GRIP1: variants seen among roughly 807,000 people sequenced by gnomAD.
The protein encoded by GRIP1 is glutamate receptor interacting protein 1.
GRIP1 carries 45 observed loss-of-function variants against 129.9 expected under a neutral mutation model. That is an observed-to-expected ratio of 0.35 (90% CI 0.27 to 0.44). GRIP1 has a LOEUF of 0.44. Among genes scored for constraint, GRIP1 ranks in the 20% least tolerant of loss-of-function variants. The pLI is 1.00. For missense variants in GRIP1, 1,196 were observed against 1,396.8 expected (o/e 0.86, Z 2.29); for synonymous variants, 530 against 520.8 (o/e 1.02, Z -0.24).
At chr12:66,552,626 T>C (rs2062179124) in intron 2 of GRIP1, among the ~76,000 whole-genome samples, 1 of 152,148 alleles carries the variant, frequency 6.6e-6, no homozygotes, top group Non-Finnish European at 1.5e-5. Flanking sequence ...CATACAGTAA[T>C]TGTCAAACAA....
chr12:66,889,152 T>C (rs1020440834), intron 1 of GRIP1, among the ~76,000 whole-genome samples: 3 of 152,144 alleles, frequency 2.0e-5, no homozygotes, highest in Admixed American at 6.5e-5. Flanking sequence ...ATGTGGTACA[T>C]ACATTCCTTT....
At chr12:66,869,292 G>A (rs546154940) in intron 1 of GRIP1, among the ~76,000 whole-genome samples, 110 of 151,984 alleles carry the variant, frequency 7.2e-4, no homozygotes, top group African/African-American at 2.6e-3. Context: ...CTTCTGTTGG[G>A]GGAAATACTG....
chr12:66,595,849 T>G (rs1056829896), intron 2 of GRIP1, among the ~76,000 whole-genome samples: 1 of 152,174 alleles, frequency 6.6e-6, no homozygotes, highest in African/African-American at 2.4e-5. Context: ...CCTGAAATTT[T>G]TATAAAAATA....
chr12:66,718,756 G>C (rs1452355926), intron 1 of GRIP1, among the ~76,000 whole-genome samples: 1 of 152,138 alleles, frequency 6.6e-6, no homozygotes, highest in East Asian at 1.9e-4. Flanking sequence ...GGAGGCTGAG[G>C]CAGGAGAATC....
chr12:66,850,333 G>T (rs570522381), intron 1 of GRIP1, among the ~76,000 whole-genome samples: 1 of 152,178 alleles, frequency 6.6e-6, no homozygotes, highest in Admixed American at 6.5e-5. Flanking sequence ...GGGTTCCTGA[G>T]GTGGGTACAT....
intron 3 of GRIP1, among the ~76,000 whole-genome samples, chr12:66,540,415 T>C (rs2061737461): frequency 6.6e-6 from 1 of 152,166 alleles, no homozygotes. Context: ...CACACTTGCC[T>C]TAAGGGAGAG....
intron 1 of GRIP1, among the ~76,000 whole-genome samples, chr12:66,629,270 C>T (rs1195718294): frequency 6.6e-6 from 1 of 152,200 alleles, no homozygotes; most frequent in Admixed American, 6.5e-5. Context: ...ATGAGCCTGG[C>T]TGGAGCAGTC....
At chr12:66,725,151 A>G (rs1329292970) in intron 1 of GRIP1, among the ~76,000 whole-genome samples, 1 of 151,894 alleles carries the variant, frequency 6.6e-6, no homozygotes, top group Non-Finnish European at 1.5e-5. Flanking sequence ...ACAAAAACAA[A>G]AACAGCTGGA....
rs556821043 is a variant in GRIP1, at chr12:66,438,278, T to C, written c.1688-5650A>G. Among the ~76,000 whole-genome samples, 12 of 152,272 alleles carry C rather than the reference T, an allele frequency of 7.9e-5. 1 individual carries two copies. Among genetic ancestry groups the C allele is most frequent in the African/African-American group, 2.9e-4 (12 of 41,564 alleles). On this transcript the variant is annotated intron_variant, in intron 13 of 24. Coordinates refer to ENST00000359742, the MANE Select transcript of GRIP1 (RefSeq NM_001366722.1). ...TGAGAAATTAGAACTGGCTGGGTAC[T>C]TTAGCAAAGATGGGACAATTACATA...
rs745781755 is a variant in GRIP1, at chr12:66,445,491, T to C, written c.1372A>G (p.Thr458Ala). Residue 458 changes from threonine (T) to alanine (A), a missense_variant, in exon 12 of 25, where the codon ACA becomes GCA. By Grantham distance (58) the Thr-to-Ala change is moderately conservative (BLOSUM62 0). This residue lies in a region of GRIP1 where 508 missense variants were observed against 587.0 expected (regional missense o/e 0.87). Coordinates refer to ENST00000359742, the MANE Select transcript of GRIP1 (RefSeq NM_001366722.1). ...FKSSLSLASSTVGLAGQVVHT... is the reference protein window; with the variant it reads ...FKSSLSLASSAVGLAGQVVHT... ...ACAACCTGCCCAGCCAATCCTACTG[T>C]GCTGGAGGCTAAGGACACTAGAGGA... 2 of 1,613,288 alleles carry C rather than the reference T, an allele frequency of 1.2e-6. No individual in the cohort carries two copies. The highest frequency in any genetic ancestry group is 1.7e-5 in the Admixed American group (1 of 60,006).
chr12:66,461,879 C>T (rs2059146840), intron 9 of GRIP1, among the ~76,000 whole-genome samples: 1 of 152,186 alleles, frequency 6.6e-6, no homozygotes, highest in South Asian at 2.1e-4. Context: ...CTCCTTCAGG[C>T]CACCCTGACA....
intron 1 of GRIP1, among the ~76,000 whole-genome samples, chr12:67,017,049 A>C (rs2042798837): frequency 6.6e-6 from 1 of 152,206 alleles, no homozygotes; most frequent in African/African-American, 2.4e-5. Context: ...ACTCAATTGC[A>C]CTATGCCAAG....
intron 1 of GRIP1, among the ~76,000 whole-genome samples, chr12:66,688,865 G>T (rs931699523): frequency 6.6e-6 from 1 of 151,990 alleles, no homozygotes; most frequent in Non-Finnish European, 1.5e-5. Context: ...CTATAAAAAT[G>T]GGCGCCGTGA....
chr12:66,538,663 C>T (rs767915402), intron 4 of GRIP1, among the ~76,000 whole-genome samples: 1 of 152,006 alleles, frequency 6.6e-6, no homozygotes. Context: ...ATGGCAGTGG[C>T]GTGATCATGT....
At chr12:66,688,474 C>T (rs1027447216) in intron 1 of GRIP1, among the ~76,000 whole-genome samples, 4 of 151,976 alleles carry the variant, frequency 2.6e-5, no homozygotes, top group Admixed American at 6.6e-5. Flanking sequence ...TTAGGAGGCT[C>T]CAGAGTCCAT....
At chr12:66,545,425 G>T (rs2061918246) in intron 2 of GRIP1, among the ~76,000 whole-genome samples, 1 of 152,128 alleles carries the variant, frequency 6.6e-6, no homozygotes, top group Non-Finnish European at 1.5e-5. Context: ...CAATTAATAT[G>T]CAGAAAACTA....
intron 1 of GRIP1, among the ~76,000 whole-genome samples, chr12:66,734,008 T>C (rs958059661): frequency 2.0e-5 from 3 of 152,096 alleles, no homozygotes; most frequent in African/African-American, 7.2e-5. Context: ...CTACGTACGC[T>C]GCAACTAGGA....
intron 1 of GRIP1, among the ~76,000 whole-genome samples, chr12:66,733,169 A>G (rs2036492353): frequency 1.3e-5 from 2 of 152,200 alleles, no homozygotes; most frequent in African/African-American, 4.8e-5. Flanking sequence ...TGCTGAATAA[A>G]TAAGTATTTA....
chr12:67,051,669 T>C (rs958686296), intron 1 of GRIP1, among the ~76,000 whole-genome samples: 3 of 152,194 alleles, frequency 2.0e-5, no homozygotes, highest in African/African-American at 7.2e-5. Flanking sequence ...GAGCTCCTAA[T>C]GGCTGTAAAT....
Sources: gnomAD v4.1 joint callset for allele counts (sites outside exome capture counted in the v4.1 genomes callset) on GRCh38, gnomAD v4.1.1 for gene constraint, gnomAD v4.1.1 regional missense constraint, MANE v1.5 for transcripts, NCBI Gene and HGNC (gene_info 2026-07-23, HGNC 2026-07-21) for gene names.